MARCHF1: variants seen among roughly 807,000 people sequenced by gnomAD.
MARCHF1 encodes the protein membrane associated ring-CH-type finger 1, also known as E3 ubiquitin-protein ligase MARCHF1.
Under a neutral mutation model 54.2 loss-of-function variants are expected in MARCHF1, and 40 were observed. The observed-to-expected ratio is 0.74, with a 90% CI of 0.57 to 0.96. MARCHF1 has a LOEUF of 0.96. Among genes scored for constraint, MARCHF1 ranks in the 40% least tolerant of loss-of-function variants. The probability of loss-of-function intolerance (pLI) is 0.00; values close to 1 mark genes in which losing one functional copy is unlikely to be tolerated. For synonymous variants in MARCHF1, 236 were observed against 236.3 expected (o/e 1.00, Z 0.01); for missense variants, 586 against 656.5 (o/e 0.89, Z 1.17).
intron 5 of MARCHF1, among the ~76,000 whole-genome samples, chr4:163,666,377 G>T (rs904292568): frequency 3.3e-5 from 5 of 152,026 alleles, no homozygotes; most frequent in Non-Finnish European, 7.4e-5. Context: ...TTATTTTATT[G>T]CTCCTAAGCA....
At chr4:163,563,801 C>T (rs138632096) in intron 8 of MARCHF1, among the ~76,000 whole-genome samples, 6 of 152,178 alleles carry the variant, frequency 3.9e-5, no homozygotes, top group South Asian at 2.1e-4. Flanking sequence ...GAATTCTGGC[C>T]GAATATTGTA....
intron 5 of MARCHF1, among the ~76,000 whole-genome samples, chr4:163,678,114 C>T (rs1272462574): frequency 6.6e-6 from 1 of 152,166 alleles, no homozygotes; most frequent in Non-Finnish European, 1.5e-5. Context: ...CAACTATAAG[C>T]TAAAACTGCC....
chr4:164,271,469 G>A lies in MARCHF1; in HGVS notation c.-323+112401C>T, dbSNP rs201596737. Among the ~76,000 whole-genome samples, 28 of 152,224 alleles carry A rather than the reference G, an allele frequency of 1.8e-4. No individual in the cohort carries two copies. The East Asian group carries it at 5.4e-3, about 29-fold the overall frequency. Reference sequence around the variant, plus strand: ...TAGAAGGTAGAAAAGGCCAGGATATGGATTCTACCCTAGCCGCCAGAAAGA... The same window carrying A: ...TAGAAGGTAGAAAAGGCCAGGATATAGATTCTACCCTAGCCGCCAGAAAGA... On this transcript the variant is annotated intron_variant, in intron 1 of 9. Coordinates refer to ENST00000514618, the MANE Select transcript of MARCHF1 (RefSeq NM_001394959.1).
intron 1 of MARCHF1, among the ~76,000 whole-genome samples, chr4:164,346,649 T>TGG (rs1730113063): frequency 3.1e-5 from 1 of 31,938 alleles, no homozygotes; most frequent in Non-Finnish European, 9.1e-5. Flanking sequence ...TATATATATA[T>TGG]ATATATATAT....
At chr4:164,315,371 G>A (rs1457710316) in intron 1 of MARCHF1, among the ~76,000 whole-genome samples, 2 of 152,004 alleles carry the variant, frequency 1.3e-5, no homozygotes, top group Non-Finnish European at 2.9e-5. Flanking sequence ...AAACACGGCA[G>A]ATCGATGAGA....
chr4:163,725,763 T>G (rs1213871215), intron 4 of MARCHF1, among the ~76,000 whole-genome samples: 1 of 152,166 alleles, frequency 6.6e-6, no homozygotes, highest in Admixed American at 6.5e-5. Flanking sequence ...CTTGGAAAAC[T>G]TATTCAAGCT....
intron 4 of MARCHF1, among the ~76,000 whole-genome samples, chr4:163,783,483 C>T (rs1310569290): frequency 6.6e-6 from 1 of 152,176 alleles, no homozygotes; most frequent in Non-Finnish European, 1.5e-5. Context: ...TCCCTTGAAC[C>T]TCCTTAAATT....
chr4:164,315,765 T>A (rs572665273), intron 1 of MARCHF1, among the ~76,000 whole-genome samples: 1 of 152,154 alleles, frequency 6.6e-6, no homozygotes, highest in African/African-American at 2.4e-5. Flanking sequence ...TCCCTATGGA[T>A]CATAACTAGG....
intron 1 of MARCHF1, among the ~76,000 whole-genome samples, chr4:164,334,779 G>A (rs145243127): frequency 0.012 from 1,870 of 152,280 alleles, 33 homozygotes; most frequent in African/African-American, 0.043. Context: ...AAAACTTTCT[G>A]GAAAGGATTT....
At chr4:164,317,174 A>G (rs1445931669) in intron 1 of MARCHF1, among the ~76,000 whole-genome samples, 5 of 152,232 alleles carry the variant, frequency 3.3e-5, no homozygotes, top group Non-Finnish European at 5.9e-5. Context: ...ACTGTACTCT[A>G]AATTATATTA....
intron 1 of MARCHF1, among the ~76,000 whole-genome samples, chr4:164,130,415 G>T (rs563803222): frequency 6.6e-6 from 1 of 152,246 alleles, no homozygotes; most frequent in Admixed American, 6.5e-5. Context: ...TCAGAAAGCA[G>T]TTTACTGTTC....
At chr4:164,349,104 C>T (rs1201610852) in intron 1 of MARCHF1, among the ~76,000 whole-genome samples, 4 of 152,046 alleles carry the variant, frequency 2.6e-5, no homozygotes, top group Non-Finnish European at 5.9e-5. Context: ...GAAAATTAGT[C>T]CCTCTCCCTA....
rs141128521 is a variant in MARCHF1 at position 163,828,453 on chromosome 4, A to G, written c.111+25568T>C. Among the ~76,000 whole-genome samples the G allele has an allele frequency of 6.8e-3, 1,030 of 152,222 alleles. 9 individuals carry two copies. Among genetic ancestry groups the G allele is most frequent in the African/African-American group, 0.024 (978 of 41,526 alleles). On this transcript the variant is annotated intron_variant, in intron 4 of 9. Coordinates refer to ENST00000514618, the MANE Select transcript of MARCHF1 (RefSeq NM_001394959.1). ...TATGCACAAGACTTCTAAATAATGTAGCTGAATGGGGGGCACATTTCAAAG... is the reference window on the plus strand; with the variant it reads ...TATGCACAAGACTTCTAAATAATGTGGCTGAATGGGGGGCACATTTCAAAG...
intron 4 of MARCHF1, among the ~76,000 whole-genome samples, chr4:163,741,900 GATA>G (rs1210189659): frequency 1.3e-5 from 2 of 152,102 alleles, no homozygotes; most frequent in African/African-American, 2.4e-5. Flanking sequence ...TTTCCATTAT[GATA>G]ATATGTATAT....
intron 5 of MARCHF1, among the ~76,000 whole-genome samples, chr4:163,638,488 G>C (rs1259632546): frequency 6.6e-6 from 1 of 152,088 alleles, no homozygotes; most frequent in Non-Finnish European, 1.5e-5. Flanking sequence ...ATGATTGAAA[G>C]TTTCCTGAGG....
intron 1 of MARCHF1, among the ~76,000 whole-genome samples, chr4:164,308,719 T>C (rs993468049): frequency 6.6e-6 from 1 of 152,084 alleles, no homozygotes; most frequent in Non-Finnish European, 1.5e-5. Flanking sequence ...TGAGGGTATA[T>C]GCATACTCTC....
chr4:164,095,030 A>T (rs751319802), intron 2 of MARCHF1, among the ~76,000 whole-genome samples: 1 of 152,160 alleles, frequency 6.6e-6, no homozygotes, highest in Non-Finnish European at 1.5e-5. Context: ...GCCCATTATC[A>T]TCACTAATTG....
chr4:163,863,071 C>G (rs534939412), intron 3 of MARCHF1, among the ~76,000 whole-genome samples: 1 of 152,104 alleles, frequency 6.6e-6, no homozygotes, highest in African/African-American at 2.4e-5. Context: ...TTGTATGATG[C>G]TTTAGTGGTG....
At chr4:163,691,512 A>T (rs1357816460) in intron 5 of MARCHF1, among the ~76,000 whole-genome samples, 2 of 152,242 alleles carry the variant, frequency 1.3e-5, no homozygotes, top group Admixed American at 6.5e-5. Context: ...GCAGCCAGGG[A>T]CTCAGATTTC....
Sources: gnomAD v4.1 joint callset for allele counts (sites outside exome capture counted in the v4.1 genomes callset) on GRCh38, gnomAD v4.1.1 for gene constraint, MANE v1.5 for transcripts, NCBI Gene and HGNC (gene_info 2026-07-23, HGNC 2026-07-21) for gene names.